Variants in RORA observed in about 807,000 individuals in gnomAD.
RORA encodes RAR related orphan receptor A.
A neutral mutation model predicts 69.5 loss-of-function variants in RORA; 7 were observed. The observed-to-expected ratio is 0.10, with a 90% CI of 0.06 to 0.19. The LOEUF (loss-of-function observed/expected upper bound fraction) is 0.19, where lower values mean the gene tolerates loss of function less well. Ranked by LOEUF, RORA falls within the 10% of genes least tolerant of loss-of-function variation. The pLI is 1.00. For missense variants in RORA, 457 were observed against 663.0 expected, an observed-to-expected ratio of 0.69 and a Z score of 3.41; for synonymous variants, 261 against 240.8, an observed-to-expected ratio of 1.08 and a Z score of -0.78.
chr15:61,186,640 CAAAAAAAAA>C (rs58380679), intron 1 of RORA, among the ~76,000 whole-genome samples: 3 of 67,612 alleles, frequency 4.4e-5, no homozygotes, highest in East Asian at 5.3e-4. Flanking sequence ...GACCCTGACT[CAAAAAAAAA>C]AAAAAAAAAA....
chr15:60,604,431 T>TG (rs2068898556), intron 2 of RORA, among the ~76,000 whole-genome samples: 1 of 152,230 alleles, frequency 6.6e-6, no homozygotes, highest in African/African-American at 2.4e-5. Flanking sequence ...TTTTTTGCCA[T>TG]TCTATGGTCT....
At chr15:60,676,725 T>C (rs1395008470) in intron 2 of RORA, among the ~76,000 whole-genome samples, 2 of 152,244 alleles carry the variant, frequency 1.3e-5, no homozygotes, top group Non-Finnish European at 2.9e-5. Context: ...TTCAAGTGTC[T>C]GTTTTTAGAA....
At chr15:61,140,188 G>A (rs1007171717) in intron 1 of RORA, among the ~76,000 whole-genome samples, 2 of 152,166 alleles carry the variant, frequency 1.3e-5, no homozygotes, top group Non-Finnish European at 2.9e-5. Flanking sequence ...AAAGACAGAG[G>A]AAGAAAAGTT....
At chr15:60,714,216 G>T (rs531067612) in intron 1 of RORA, among the ~76,000 whole-genome samples, 14 of 151,966 alleles carry the variant, frequency 9.2e-5, no homozygotes, top group African/African-American at 3.4e-4. Context: ...ACCATGCCCA[G>T]CAAATTTCTT....
At chr15:60,768,814 G>A (rs1457441804) in intron 1 of RORA, among the ~76,000 whole-genome samples, 1 of 152,206 alleles carries the variant, frequency 6.6e-6, no homozygotes, top group Non-Finnish European at 1.5e-5. Flanking sequence ...GTGGGAGGGA[G>A]GAGCTGACTT....
At chr15:61,069,237 C>T (rs1260925879) in intron 1 of RORA, among the ~76,000 whole-genome samples, 1 of 152,052 alleles carries the variant, frequency 6.6e-6, no homozygotes, top group Non-Finnish European at 1.5e-5. Flanking sequence ...TAGCTGTGTG[C>T]CCTTAAATAA....
chr15:61,088,521 G>A (rs1325737730), intron 1 of RORA, among the ~76,000 whole-genome samples: 13 of 152,152 alleles, frequency 8.5e-5, no homozygotes, highest in Admixed American at 8.5e-4. Context: ...GAAAGACTGT[G>A]GGCTTAGCAG....
intron 2 of RORA, among the ~76,000 whole-genome samples, chr15:60,661,171 C>T (rs2070298246): frequency 1.3e-5 from 2 of 151,548 alleles, no homozygotes; most frequent in Middle Eastern, 3.4e-3. Context: ...TCATTAGCTA[C>T]CTTTATATAA....
At chr15:60,711,758 G>T (rs1381634460) in intron 1 of RORA, among the ~76,000 whole-genome samples, 5 of 152,174 alleles carry the variant, frequency 3.3e-5, no homozygotes, top group Admixed American at 3.3e-4. Context: ...TGGGGAAGAT[G>T]ATTTAACCTT....
intron 1 of RORA, among the ~76,000 whole-genome samples, chr15:61,102,554 C>T (rs1003773440): frequency 2.0e-5 from 3 of 152,166 alleles, no homozygotes; most frequent in African/African-American, 7.2e-5. Context: ...TATCCAATTT[C>T]CTTTTGATAT....
At chr15:61,118,214 T>C (rs1490691685) in intron 1 of RORA, among the ~76,000 whole-genome samples, 1 of 152,068 alleles carries the variant, frequency 6.6e-6, no homozygotes, top group East Asian at 1.9e-4. Flanking sequence ...TGGGGGAATG[T>C]CAGGGTTTCA....
intron 1 of RORA, among the ~76,000 whole-genome samples, chr15:61,080,869 G>C (rs1423114501): frequency 6.6e-6 from 1 of 152,200 alleles, no homozygotes; most frequent in Admixed American, 6.5e-5. Flanking sequence ...CCTGGGAGCT[G>C]TTTCAGATTT....
chr15:61,126,262 T>C (rs1276877626), intron 1 of RORA, among the ~76,000 whole-genome samples: 1 of 152,232 alleles, frequency 6.6e-6, no homozygotes, highest in African/African-American at 2.4e-5. Flanking sequence ...TTATAATATA[T>C]GCACAATGTG....
chr15:61,153,988 T>C (rs1243354518), intron 1 of RORA, among the ~76,000 whole-genome samples: 4 of 152,206 alleles, frequency 2.6e-5, no homozygotes, highest in South Asian at 2.1e-4. Flanking sequence ...ACACAGCTTA[T>C]AGACACGAAG....
chr15:60,891,062 T>C (rs2073808158), intron 1 of RORA, among the ~76,000 whole-genome samples: 1 of 152,146 alleles, frequency 6.6e-6, no homozygotes, highest in African/African-American at 2.4e-5. Flanking sequence ...AGGGGGGAGA[T>C]GTCTCGGGAA....
At chr15:60,856,018 G>A (rs1595769333) in intron 1 of RORA, among the ~76,000 whole-genome samples, 1 of 152,276 alleles carries the variant, frequency 6.6e-6, no homozygotes, top group East Asian at 1.9e-4. Flanking sequence ...ATCAGGAATT[G>A]TGATGAAAGG....
intron 1 of RORA, among the ~76,000 whole-genome samples, chr15:60,762,106 A>G (rs1387272647): frequency 6.6e-6 from 1 of 152,236 alleles, no homozygotes; most frequent in East Asian, 1.9e-4. Context: ...ACAGGTTTCT[A>G]GCAGAAAAAG....
intron 9 of RORA, 28 bp downstream of exon 9, chr15:60,500,931 C>CATT (rs1276122208): frequency 7.6e-7 from 1 of 1,309,192 alleles, no homozygotes; most frequent in African/African-American, 1.5e-5. Context: ...ATTCGAAAAC[C>CATT]ATTTTTATTT....
At chr15:60,505,668 A>C (rs566729996) in intron 5 of RORA, 39 bp from the exon 6 acceptor site, 1 of 1,606,416 alleles carries the variant, frequency 6.2e-7, no homozygotes, top group South Asian at 1.1e-5. Flanking sequence ...CGAAAAGCGA[A>C]GTTCTTTGAA....
Sources: gnomAD v4.1 joint callset for allele counts (sites outside exome capture counted in the v4.1 genomes callset) on GRCh38, gnomAD v4.1.1 for gene constraint, MANE v1.5 for transcripts, NCBI Gene and HGNC (gene_info 2026-07-23, HGNC 2026-07-21) for gene names.